The following DIP2C variants were observed in gnomAD, a reference collection of about 807,000 sequenced individuals.
DIP2C encodes the protein disco-interacting protein 2 homolog C.
DIP2C carries 33 observed loss-of-function variants against 192.4 expected under a neutral mutation model. The observed-to-expected ratio is 0.17, with a 90% confidence interval of 0.13 to 0.23. The LOEUF (loss-of-function observed/expected upper bound fraction) is 0.23, where lower values mean the gene tolerates loss of function less well. Among genes scored for constraint, DIP2C ranks in the 10% least tolerant of loss-of-function variants. The probability of loss-of-function intolerance (pLI) is 1.00; values close to 1 mark genes in which losing one functional copy is unlikely to be tolerated. For missense variants in DIP2C, 1,537 were observed against 2,110.1 expected, an observed-to-expected ratio of 0.73 and a Z score of 5.32; for synonymous variants, 979 against 864.1, an observed-to-expected ratio of 1.13 and a Z score of -2.33.
intron 5 of DIP2C, among the ~76,000 whole-genome samples, chr10:420,628 A>C (rs1966120195): frequency 6.6e-6 from 1 of 152,240 alleles, no homozygotes; most frequent in Non-Finnish European, 1.5e-5. Context: ...TGGAAAAAGA[A>C]AACTAGAATG....
intron 32 of DIP2C, 105 bp from the exon 33 acceptor site, chr10:288,526 A>C: frequency 8.4e-7 from 1 of 1,184,300 alleles, no homozygotes; most frequent in Middle Eastern, 2.0e-4. Flanking sequence ...GGGAAAGCTG[A>C]TTCTGAGCAT....
chr10:357,127 G>C (rs1180018798), intron 23 of DIP2C, among the ~76,000 whole-genome samples: 1 of 152,188 alleles, frequency 6.6e-6, no homozygotes, highest in African/African-American at 2.4e-5. Context: ...ATTTCACGGT[G>C]CTGATTTTGC....
chr10:576,778 G>T (rs1029206917), intron 1 of DIP2C, among the ~76,000 whole-genome samples: 1 of 152,074 alleles, frequency 6.6e-6, no homozygotes, highest in African/African-American at 2.4e-5. Context: ...ATGGTGGCAC[G>T]CGCCTGTAAC....
chr10:565,443 A>T (rs1849416106), intron 1 of DIP2C, among the ~76,000 whole-genome samples: 1 of 152,020 alleles, frequency 6.6e-6, no homozygotes, highest in Non-Finnish European at 1.5e-5. Flanking sequence ...ACATGCAGTG[A>T]AACTGTCAGC....
intron 31 of DIP2C, among the ~76,000 whole-genome samples, chr10:316,490 C>G (rs1956779030): frequency 6.6e-6 from 1 of 152,292 alleles, no homozygotes; most frequent in South Asian, 2.1e-4. Flanking sequence ...ACACTCCCAG[C>G]CTTTGGAAGG....
chr10:431,923 C>G (rs2133220635), intron 4 of DIP2C, among the ~76,000 whole-genome samples: 1 of 152,288 alleles, frequency 6.6e-6, no homozygotes, highest in South Asian at 2.1e-4. Context: ...AAGGTGACCT[C>G]TGTTCCTAGT....
chr10:498,394 G>A (rs140615627), intron 1 of DIP2C, among the ~76,000 whole-genome samples: 80 of 152,272 alleles, frequency 5.3e-4, no homozygotes, highest in African/African-American at 1.7e-3. Flanking sequence ...CTCCACACCT[G>A]AGTGAACTAA....
intron 7 of DIP2C, 138 bp from the exon 8 acceptor site, chr10:414,248 A>C: frequency 9.3e-7 from 1 of 1,074,686 alleles, no homozygotes; most frequent in Non-Finnish European, 1.3e-6. Flanking sequence ...ATGCTTTTCT[A>C]GAATTGGGGT....
At chr10:531,543 G>T (rs375180718) in intron 1 of DIP2C, among the ~76,000 whole-genome samples, 5 of 152,098 alleles carry the variant, frequency 3.3e-5, no homozygotes, top group African/African-American at 9.7e-5. Flanking sequence ...AACACCAAAG[G>T]TTCAGGGCCC....
chr10:649,952 C>T, intron 1 of DIP2C: 1 of 614,716 alleles, frequency 1.6e-6, no homozygotes, highest in Non-Finnish European at 2.9e-6. Flanking sequence ...ACCATTAACA[C>T]ATCAAAACGG....
Position 389,976 on chromosome 10 carries a change from G to T in DIP2C, c.1597+15C>A, listed in dbSNP as rs1451636896. On this transcript the variant is annotated intron_variant, in intron 13 of 36. Coordinates refer to ENST00000280886, the MANE Select transcript of DIP2C (RefSeq NM_014974.3). ...TAGAACCAGGGTCCCAAGGAGTCAG[G>T]GTCTGGCACCCCACCTTCCGTGTAG... 4 of 1,605,336 alleles carry T rather than the reference G, an allele frequency of 2.5e-6. No homozygotes were observed. In the African/African-American group the frequency reaches 4.0e-5, roughly 16 times the overall value.
chr10:535,506 C>G (rs1847648201), intron 1 of DIP2C, among the ~76,000 whole-genome samples: 1 of 152,022 alleles, frequency 6.6e-6, no homozygotes, highest in Non-Finnish European at 1.5e-5. Flanking sequence ...TGCCTTTGTA[C>G]CCATTCTGTA....
At chr10:335,851 A>T (rs1239444690) in intron 29 of DIP2C, among the ~76,000 whole-genome samples, 3 of 152,186 alleles carry the variant, frequency 2.0e-5, no homozygotes, top group Non-Finnish European at 4.4e-5. Flanking sequence ...TCATCTGTGT[A>T]TCTGAATAGT....
intron 1 of DIP2C, among the ~76,000 whole-genome samples, chr10:639,387 T>G (rs12761843): frequency 1.0e-5 from 1 of 97,634 alleles, no homozygotes; most frequent in Admixed American, 1.1e-4. Context: ...CATGGGGATG[T>G]GTCAGGTCGG....
chr10:505,075 C>T (rs1457221085), intron 1 of DIP2C, among the ~76,000 whole-genome samples: 1 of 152,202 alleles, frequency 6.6e-6, no homozygotes, highest in African/African-American at 2.4e-5. Flanking sequence ...TGTGTCCACA[C>T]CCATATTACT....
At chr10:325,248 G>C (rs956282905) in intron 31 of DIP2C, among the ~76,000 whole-genome samples, 1 of 151,920 alleles carries the variant, frequency 6.6e-6, no homozygotes, top group Non-Finnish European at 1.5e-5. Context: ...CTGGGCAACA[G>C]AGTGATACTC....
chr10:410,541 CA>C (rs1965119372), intron 8 of DIP2C, among the ~76,000 whole-genome samples: 1 of 152,150 alleles, frequency 6.6e-6, no homozygotes, highest in South Asian at 2.1e-4. Flanking sequence ...TTTTCCCCAA[CA>C]AAAACAATTA....
chr10:601,151 C>T (rs1404476057), intron 1 of DIP2C, among the ~76,000 whole-genome samples: 2 of 152,188 alleles, frequency 1.3e-5, no homozygotes, highest in African/African-American at 2.4e-5. Context: ...TGGCCAATCG[C>T]CTGCTGCACC....
chr10:319,308 G>A (rs1956905549), intron 31 of DIP2C, among the ~76,000 whole-genome samples: 1 of 152,182 alleles, frequency 6.6e-6, no homozygotes, highest in Non-Finnish European at 1.5e-5. Context: ...CACTGCAATA[G>A]TTACTGTTGA....
Sources: gnomAD v4.1 joint callset for allele counts (sites outside exome capture counted in the v4.1 genomes callset) on GRCh38, gnomAD v4.1.1 for gene constraint, MANE v1.5 for transcripts, NCBI Gene and HGNC (gene_info 2026-07-23, HGNC 2026-07-21) for gene names.